SUCLG1: variants seen among roughly 807,000 people sequenced by gnomAD.
The protein encoded by SUCLG1 is succinate--CoA ligase [ADP/GDP-forming] subunit alpha, mitochondrial.
Under a neutral mutation model 37.3 loss-of-function variants are expected in SUCLG1, and 26 were observed. That is an observed-to-expected ratio of 0.70 (90% CI 0.51 to 0.97). The LOEUF (loss-of-function observed/expected upper bound fraction) is 0.97, where lower values mean the gene tolerates loss of function less well. SUCLG1 is among the 50% of genes least tolerant of loss of function. The pLI is 0.00. For missense variants in SUCLG1, 433 were observed against 432.9 expected (o/e 1.00, Z 0.00); for synonymous variants, 163 against 155.6 (o/e 1.05, Z -0.36).
intron 5 of SUCLG1, among the ~76,000 whole-genome samples, chr2:84,436,363 T>C (rs924972776): frequency 6.6e-6 from 1 of 152,242 alleles, no homozygotes; most frequent in Non-Finnish European, 1.5e-5. Context: ...TGATTCTACC[T>C]AGCTTTAACA....
At chr2:84,440,038 C>T (rs1672743680) in intron 5 of SUCLG1, among the ~76,000 whole-genome samples, 1 of 152,166 alleles carries the variant, frequency 6.6e-6, no homozygotes, top group South Asian at 2.1e-4. Context: ...ACACTCAAAA[C>T]CACAAGAGAT....
At chr2:84,455,682 A>C (rs1265387230) in intron 1 of SUCLG1, among the ~76,000 whole-genome samples, 2 of 148,644 alleles carry the variant, frequency 1.3e-5, no homozygotes, top group East Asian at 4.1e-4. Flanking sequence ...AAAAATACAA[A>C]AAAATTAGCC....
At position 84,458,989 on chromosome 2, in the gene SUCLG1, C is replaced by G. The variant is rs986547825; in HGVS notation, c.97+184G>C. ...AGCGGCCTAAGTCATGCCCCCCGCC[C>G]CACGTATCCAGCAAAGCTCCTTCCA... is the stretch of plus-strand genomic sequence containing the variant. On this transcript the variant is annotated intron_variant, in intron 1 of 8. Transcript: ENST00000393868. 5.3e-5 allele frequency among the ~76,000 whole-genome samples: 8 copies of G among 152,338 alleles called. No homozygotes were observed. In the East Asian group the frequency reaches 5.8e-4, roughly 11 times the overall value.
At chr2:84,458,006 A>T (rs1338069860) in intron 1 of SUCLG1, among the ~76,000 whole-genome samples, 4 of 151,840 alleles carry the variant, frequency 2.6e-5, no homozygotes, top group Non-Finnish European at 5.9e-5. Context: ...TCAAGAAAGG[A>T]ATTAAGTCTC....
intron 1 of SUCLG1, among the ~76,000 whole-genome samples, chr2:84,453,240 C>A (rs17025075): frequency 0.053 from 8,104 of 151,950 alleles, 479 homozygotes; most frequent in African/African-American, 0.14. Context: ...GAGTGTTTTC[C>A]TAACATTTAA....
chr2:84,454,822 G>A (rs548766193), intron 1 of SUCLG1, among the ~76,000 whole-genome samples: 8 of 152,250 alleles, frequency 5.3e-5, no homozygotes, highest in African/African-American at 1.4e-4. Flanking sequence ...TATGGTCAAA[G>A]AGCACCTGCC....
At chr2:84,448,602 T>A (rs1341071485) in intron 2 of SUCLG1, among the ~76,000 whole-genome samples, 1 of 151,688 alleles carries the variant, frequency 6.6e-6, no homozygotes, top group Non-Finnish European at 1.5e-5. Flanking sequence ...ATACTTTGGG[T>A]TAAGACACGT....
Position 84,425,498 on chromosome 2 carries a change from C to T in SUCLG1, c.931G>A (p.Ala311Thr). 6.2e-7 allele frequency: 1 copy of T among 1,614,242 alleles called. No homozygotes were observed. The highest frequency in any genetic ancestry group is 1.3e-5 in the African/African-American group (1 of 75,056). The change falls in exon 8 of 9, where the codon GCT (alanine) becomes ACT (threonine). Residue 311 changes from alanine to threonine, a missense_variant. Physicochemically the swap from Ala to Thr is moderately conservative, Grantham distance 58. Coordinates refer to ENST00000393868, the MANE Select transcript of SUCLG1 (RefSeq NM_003849.4). ...TGAAGGGCAGAGATCTTCTCTTTAG[C>T]TCCACCTTTTCCTCCAGCAATAATT... ...GAIIAGGKGG[A>T]KEKISALQSA...
intron 5 of SUCLG1, among the ~76,000 whole-genome samples, chr2:84,434,991 T>C (rs1195660076): frequency 6.6e-6 from 1 of 152,202 alleles, no homozygotes; most frequent in Non-Finnish European, 1.5e-5. Flanking sequence ...CTCTTTTAGA[T>C]GCATTTCACT....
chr2:84,440,192 T>C (rs1046992125), intron 5 of SUCLG1, among the ~76,000 whole-genome samples: 22 of 152,234 alleles, frequency 1.4e-4, no homozygotes, highest in African/African-American at 4.6e-4. Context: ...CTGACCAACA[T>C]GGAGAAACCC....
At chr2:84,459,142 G>T (rs1235249652) in intron 1 of SUCLG1, 31 bp downstream of exon 1, 6 of 1,529,438 alleles carry the variant, frequency 3.9e-6, no homozygotes, top group Non-Finnish European at 5.3e-6. Context: ...TAACCCGCGG[G>T]CGCCAGGAAG....
In SUCLG1 at chr2:84,423,616, G is replaced by C. The variant is rs1204958849; in HGVS notation, c.*130C>G. ...TCAGGACATCTTCCACCTTGTTTTG[G>C]CTTCCAGTTGTACTGCAAGACCAGT... On this transcript the variant is annotated 3_prime_UTR_variant, in exon 9 of 9. Transcript: ENST00000393868. 5.6e-6 allele frequency: 5 copies of C among 888,002 alleles called. No homozygotes were observed. Among genetic ancestry groups the C allele is most frequent in the Non-Finnish European group, 9.2e-6 (5 of 544,844 alleles). 55.0% of individuals were successfully genotyped at this position (888,002 alleles called of 1,614,324 possible). A position where few individuals can be genotyped will look rare whatever the true frequency, so the allele number is the denominator to read the frequency against.
chr2:84,429,052 T>C (rs1319479832), intron 7 of SUCLG1, among the ~76,000 whole-genome samples: 1 of 152,218 alleles, frequency 6.6e-6, no homozygotes, highest in East Asian at 1.9e-4. Context: ...ATAATTATCA[T>C]CATTGTAATG....
chr2:84,434,795 T>C (rs911355512), intron 5 of SUCLG1, among the ~76,000 whole-genome samples: 5 of 152,234 alleles, frequency 3.3e-5, no homozygotes, highest in African/African-American at 1.2e-4. Context: ...CAAAGTGCTA[T>C]GTCACCATTA....
intron 2 of SUCLG1, chr2:84,448,837 T>G (rs1672890771): frequency 4.6e-6 from 1 of 215,562 alleles, no homozygotes; most frequent in African/African-American, 2.4e-5. Context: ...TATATAAATA[T>G]ATATAATTCT....
At chr2:84,441,217 C>T (rs978216090) in intron 4 of SUCLG1, 30 bp downstream of exon 4, 5 of 1,613,934 alleles carry the variant, frequency 3.1e-6, no homozygotes, top group Non-Finnish European at 4.2e-6. Context: ...GAGGCTTAAT[C>T]TGAGTTTCTT....
At chr2:84,425,851 C>T in intron 7 of SUCLG1, 1 of 527,318 alleles carries the variant, frequency 1.9e-6, no homozygotes, top group African/African-American at 1.9e-5. Context: ...TATAAAACTT[C>T]CACTTCACAA....
At chr2:84,435,249 T>C (rs1056184694) in intron 5 of SUCLG1, among the ~76,000 whole-genome samples, 2 of 152,210 alleles carry the variant, frequency 1.3e-5, no homozygotes, top group African/African-American at 4.8e-5. Flanking sequence ...AGGTCCACAT[T>C]AAATGCTACT....
At chr2:84,448,112 G>C (rs1672876956) in intron 2 of SUCLG1, among the ~76,000 whole-genome samples, 1 of 148,476 alleles carries the variant, frequency 6.7e-6, no homozygotes, top group Non-Finnish European at 1.5e-5. Context: ...CAGTAATAGA[G>C]GAATGGAAGA....
Sources: gnomAD v4.1 joint callset for allele counts (sites outside exome capture counted in the v4.1 genomes callset) on GRCh38, gnomAD v4.1.1 for gene constraint, MANE v1.5 for transcripts, NCBI Gene and HGNC (gene_info 2026-07-23, HGNC 2026-07-21) for gene names.